AKAP6: variants seen among roughly 807,000 people sequenced by gnomAD.
The protein encoded by AKAP6 is A-kinase anchor protein 6.
In AKAP6, 58 loss-of-function variants were observed where a neutral mutation model predicts 188.5. That is an observed-to-expected ratio of 0.31 (90% CI 0.25 to 0.38). The LOEUF (loss-of-function observed/expected upper bound fraction) is 0.38. AKAP6 is among the 10% of genes least tolerant of loss of function. The probability of loss-of-function intolerance (pLI) is 1.00; values close to 1 mark genes in which losing one functional copy is unlikely to be tolerated. For synonymous variants in AKAP6, 989 were observed against 998.6 expected, an observed-to-expected ratio of 0.99 and a Z score of 0.18; for missense variants, 2,710 against 2,740.0, an observed-to-expected ratio of 0.99 and a Z score of 0.24.
At chr14:32,403,344 G>A (rs1268645478) in intron 1 of AKAP6, 1 of 152,128 alleles carries the variant, frequency 6.6e-6, no homozygotes, top group Non-Finnish European at 1.5e-5. Context: ...AAATACTATA[G>A]CAGTAAGAGT....
At chr14:32,401,820 A>G (rs1889100309) in intron 1 of AKAP6, among the ~76,000 whole-genome samples, 1 of 152,210 alleles carries the variant, frequency 6.6e-6, no homozygotes. Context: ...TTTTGGTGGA[A>G]AGAATTGTAG....
chr14:32,644,536 C>A (rs1298491163), intron 7 of AKAP6, among the ~76,000 whole-genome samples: 1 of 152,084 alleles, frequency 6.6e-6, no homozygotes, highest in Non-Finnish European at 1.5e-5. Context: ...GTTCTGCTGA[C>A]CTAGGAAGTA....
Position 32,367,241 on chromosome 14 carries a change from G to A in AKAP6, c.-35+37833G>A, listed in dbSNP as rs192660659. On this transcript the variant is annotated intron_variant, in intron 1 of 13. Transcript: ENST00000280979. ...AGCCTCCAAAACATAGATCAGTGTC[G>A]TCAGTTTGCCTCCTGGAGTCTTAAC... Among the ~76,000 whole-genome samples the A allele has an allele frequency of 1.8e-4, 27 of 152,220 alleles. No homozygotes were observed. In the East Asian group the frequency reaches 4.6e-3, roughly 26 times the overall value.
intron 11 of AKAP6, among the ~76,000 whole-genome samples, chr14:32,737,967 C>T (rs1002148307): frequency 3.3e-5 from 5 of 151,982 alleles, no homozygotes; most frequent in East Asian, 3.9e-4. Flanking sequence ...TTAAGCAATA[C>T]GTATGAGAAA....
intron 7 of AKAP6, among the ~76,000 whole-genome samples, chr14:32,631,837 G>A (rs1887286058): frequency 6.6e-6 from 1 of 152,068 alleles, no homozygotes; most frequent in Non-Finnish European, 1.5e-5. Flanking sequence ...ATGTGGTTAG[G>A]CTGTGAGTTG....
intron 8 of AKAP6, among the ~76,000 whole-genome samples, chr14:32,681,549 G>C (rs537589336): frequency 1.3e-5 from 2 of 152,008 alleles, no homozygotes; most frequent in South Asian, 4.1e-4. Flanking sequence ...TTTGAACTAA[G>C]GTATCTTCCT....
At chr14:32,677,110 A>G (rs536655726) in intron 7 of AKAP6, among the ~76,000 whole-genome samples, 1 of 152,216 alleles carries the variant, frequency 6.6e-6, no homozygotes, top group Non-Finnish European at 1.5e-5. Context: ...GCAGGCATGC[A>G]TCACCGCACC....
intron 12 of AKAP6, among the ~76,000 whole-genome samples, chr14:32,802,839 T>A (rs1300756473): frequency 6.6e-6 from 1 of 152,242 alleles, no homozygotes; most frequent in African/African-American, 2.4e-5. Flanking sequence ...GGCTCACACC[T>A]GTAATTCCAG....
intron 8 of AKAP6, among the ~76,000 whole-genome samples, chr14:32,679,874 A>G (rs1889599975): frequency 6.6e-6 from 1 of 152,246 alleles, no homozygotes; most frequent in Admixed American, 6.5e-5. Context: ...AGCAAATAAG[A>G]AAGAAAAGGT....
At chr14:32,809,549 GA>G (rs1178199144) in intron 12 of AKAP6, among the ~76,000 whole-genome samples, 1 of 152,176 alleles carries the variant, frequency 6.6e-6, no homozygotes, top group African/African-American at 2.4e-5. Context: ...CAGCACTAAT[GA>G]AAGCTGGGTT....
At chr14:32,407,403 A>G (rs1209390406) in intron 1 of AKAP6, among the ~76,000 whole-genome samples, 1 of 152,132 alleles carries the variant, frequency 6.6e-6, no homozygotes, top group Non-Finnish European at 1.5e-5. Flanking sequence ...CAGCTCGGCT[A>G]TGTGTGAGGA....
intron 7 of AKAP6, among the ~76,000 whole-genome samples, chr14:32,615,883 C>T (rs993133229): frequency 4.6e-5 from 7 of 152,070 alleles, no homozygotes; most frequent in Non-Finnish European, 8.8e-5. Flanking sequence ...CGTGAGCCAC[C>T]GCGCCCAGCC....
intron 1 of AKAP6, among the ~76,000 whole-genome samples, chr14:32,351,326 G>T (rs1351223852): frequency 1.3e-5 from 2 of 152,286 alleles, no homozygotes; most frequent in African/African-American, 2.4e-5. Context: ...ACTTTGGGAG[G>T]CTGAGGCAGG....
intron 1 of AKAP6, among the ~76,000 whole-genome samples, chr14:32,333,268 T>C (rs1054921113): frequency 5.9e-5 from 9 of 152,120 alleles, no homozygotes; most frequent in African/African-American, 2.2e-4. Flanking sequence ...GGGAAGTTGG[T>C]GGTCTTGCTA....
chr14:32,655,685 A>G (rs1888425216), intron 7 of AKAP6, among the ~76,000 whole-genome samples: 1 of 152,188 alleles, frequency 6.6e-6, no homozygotes, highest in African/African-American at 2.4e-5. Context: ...TGCAGAAGAA[A>G]TATTTGCAAA....
chr14:32,493,019 C>T (rs1880116952), intron 2 of AKAP6, among the ~76,000 whole-genome samples: 1 of 152,112 alleles, frequency 6.6e-6, no homozygotes, highest in African/African-American at 2.4e-5. Context: ...AATGGAAGAA[C>T]CTCAGCCTGT....
At chr14:32,526,561 G>T (rs1882139364) in intron 2 of AKAP6, among the ~76,000 whole-genome samples, 1 of 151,982 alleles carries the variant, frequency 6.6e-6, no homozygotes, top group Non-Finnish European at 1.5e-5. Context: ...TGTATCTTTT[G>T]TAGAGATGGG....
chr14:32,396,657 T>G (rs1888889689), intron 1 of AKAP6, among the ~76,000 whole-genome samples: 1 of 152,138 alleles, frequency 6.6e-6, no homozygotes, highest in Non-Finnish European at 1.5e-5. Context: ...AAGTAAGCTC[T>G]CTCTCTCTCT....
chr14:32,546,864 T>C lies in AKAP6; in HGVS notation c.2211T>C (p.Ala737=). Residue 737 remains alanine, a synonymous_variant, in exon 4 of 14, where the codon GCT becomes GCC. Transcript: ENST00000280979. ...CTCTCGCTGGCATGAAAAAGTATGC[T>C]GATGAGAAGTCAGAAAGAGCTTCAT... ...SMPLAGMKKY[A]DEKSERASSS... 1.2e-6 allele frequency: 2 copies of C among 1,614,042 alleles called. No individual in the cohort carries two copies. The highest frequency in any genetic ancestry group is 1.7e-6 in the Non-Finnish European group (2 of 1,180,010).
Sources: gnomAD v4.1 joint callset for allele counts (sites outside exome capture counted in the v4.1 genomes callset) on GRCh38, gnomAD v4.1.1 for gene constraint, MANE v1.5 for transcripts, NCBI Gene and HGNC (gene_info 2026-07-23, HGNC 2026-07-21) for gene names.